The following ARHGAP15 variants were observed in gnomAD, a reference collection of about 807,000 sequenced individuals.
ARHGAP15 encodes the protein rho GTPase-activating protein 15.
ARHGAP15 carries 51 observed loss-of-function variants against 63.7 expected under a neutral mutation model. The observed-to-expected ratio is 0.80, with a 90% CI of 0.64 to 1.01. ARHGAP15 has a LOEUF of 1.01. ARHGAP15 is among the 50% of genes least tolerant of loss of function. The pLI is 0.00. For synonymous variants in ARHGAP15, 191 were observed against 193.8 expected (o/e 0.99, Z 0.12); for missense variants, 560 against 564.6 (o/e 0.99, Z 0.08).
intron 5 of ARHGAP15, among the ~76,000 whole-genome samples, chr2:143,239,500 A>G (rs112786740): frequency 1.9e-3 from 292 of 152,260 alleles, no homozygotes; most frequent in African/African-American, 6.8e-3. Flanking sequence ...CTCTGCTTCT[A>G]TGAGTTTGAC....
chr2:143,455,892 G>A (rs1690627598), intron 8 of ARHGAP15, among the ~76,000 whole-genome samples: 1 of 151,612 alleles, frequency 6.6e-6, no homozygotes, highest in African/African-American at 2.4e-5. Context: ...CAAATGGTCT[G>A]GAGGCTGACA....
At chr2:143,201,982 A>C (rs1692137222) in intron 2 of ARHGAP15, 152 bp from the exon 3 acceptor site, 2 of 670,512 alleles carry the variant, frequency 3.0e-6, no homozygotes, top group Non-Finnish European at 5.3e-6. Flanking sequence ...TATTTTATTT[A>C]AATTAGTCAA....
intron 10 of ARHGAP15, among the ~76,000 whole-genome samples, 159 bp from the exon 11 acceptor site, chr2:143,556,249 T>C (rs1241301735): frequency 6.6e-6 from 1 of 152,136 alleles, no homozygotes; most frequent in Non-Finnish European, 1.5e-5. Context: ...CCATGATTAC[T>C]TTGAGATTAA....
At chr2:143,609,395 A>G (rs991578318) in intron 11 of ARHGAP15, among the ~76,000 whole-genome samples, 1 of 152,186 alleles carries the variant, frequency 6.6e-6, no homozygotes, top group Non-Finnish European at 1.5e-5. Context: ...AGGAATTTCC[A>G]TGCTTTTGTG....
chr2:143,732,983 T>G (rs922752034), intron 13 of ARHGAP15, among the ~76,000 whole-genome samples: 3 of 150,474 alleles, frequency 2.0e-5, no homozygotes, highest in Non-Finnish European at 4.4e-5. Flanking sequence ...CACAATTATG[T>G]TTTCTAATAG....
At chr2:143,336,261 T>C (rs1467085899) in intron 6 of ARHGAP15, among the ~76,000 whole-genome samples, 1 of 152,116 alleles carries the variant, frequency 6.6e-6, no homozygotes, top group African/African-American at 2.4e-5. Flanking sequence ...TGGATGTTTT[T>C]CCCTGGGCAA....
At chr2:143,411,838 A>G (rs1688458571) in intron 6 of ARHGAP15, among the ~76,000 whole-genome samples, 1 of 152,208 alleles carries the variant, frequency 6.6e-6, no homozygotes, top group Non-Finnish European at 1.5e-5. Flanking sequence ...GTGAGAAAGT[A>G]TATACTCTCT....
intron 6 of ARHGAP15, among the ~76,000 whole-genome samples, chr2:143,399,234 T>C (rs1353205198): frequency 6.6e-6 from 1 of 152,024 alleles, no homozygotes; most frequent in Non-Finnish European, 1.5e-5. Flanking sequence ...GGTTTGCAGC[T>C]GTCGTAATTA....
intron 11 of ARHGAP15, among the ~76,000 whole-genome samples, chr2:143,602,045 G>C (rs770889857): frequency 6.6e-6 from 1 of 152,066 alleles, no homozygotes; most frequent in South Asian, 2.1e-4. Flanking sequence ...GTCAGCAAAA[G>C]TATGTTATTA....
chr2:143,525,596 C>CCAGTTTAGTG (rs1401324193), intron 10 of ARHGAP15, among the ~76,000 whole-genome samples: 2 of 151,898 alleles, frequency 1.3e-5, no homozygotes, highest in African/African-American at 4.8e-5. Context: ...AAAATTAAGA[C>CCAGTTTAGTG]CAGTTTAGTG....
intron 6 of ARHGAP15, among the ~76,000 whole-genome samples, chr2:143,323,912 A>AC (rs1684136445): frequency 1.3e-5 from 2 of 150,610 alleles, no homozygotes; most frequent in Non-Finnish European, 3.0e-5. Flanking sequence ...AAAAAAAAAA[A>AC]AAAAAAAAAA....
chr2:143,397,346 GTA>G (rs1259268598), intron 6 of ARHGAP15, among the ~76,000 whole-genome samples: 4,023 of 129,276 alleles, frequency 0.031, 75 homozygotes, highest in African/African-American at 0.052. Flanking sequence ...GTGTGTGTGT[GTA>G]TATATATATC....
intron 11 of ARHGAP15, chr2:143,607,997 C>T (rs1425613450): frequency 1.3e-5 from 2 of 152,140 alleles, no homozygotes; most frequent in Non-Finnish European, 2.9e-5. Flanking sequence ...TTGTTTTCTC[C>T]TCTGTGGATA....
At chr2:143,548,109 T>A (rs949286602) in intron 10 of ARHGAP15, among the ~76,000 whole-genome samples, 3 of 152,024 alleles carry the variant, frequency 2.0e-5, no homozygotes, top group Admixed American at 2.0e-4. Context: ...TAAGACGAGG[T>A]TTGTTAAGAG....
chr2:143,413,368 C>A (rs1299270249), intron 6 of ARHGAP15, among the ~76,000 whole-genome samples: 2 of 152,328 alleles, frequency 1.3e-5, no homozygotes, highest in East Asian at 3.9e-4. Flanking sequence ...AGGATCCCAA[C>A]TGAATGCCTC....
intron 6 of ARHGAP15, among the ~76,000 whole-genome samples, chr2:143,321,399 T>C (rs916149533): frequency 2.0e-5 from 3 of 152,178 alleles, no homozygotes; most frequent in Non-Finnish European, 4.4e-5. Flanking sequence ...TTATAAACAG[T>C]TTTGCTCTCA....
In ARHGAP15 at chr2:143,413,966, T is replaced by TGTGTGTGTGCGCGCGCGC; in HGVS notation, c.475-21634_475-21633insTGTGTGTGCGCGCGCGCG. On this transcript the variant is annotated intron_variant, in intron 6 of 13. Coordinates refer to ENST00000295095, the MANE Select transcript of ARHGAP15 (RefSeq NM_018460.4). Reference sequence around the variant, plus strand: ...GTGTGTGTGTGTGTGTGTGTGTGTGTGCGCGCTCTCTGGCAGAAAGTTAAT... The same window carrying TGTGTGTGTGCGCGCGCGC: ...GTGTGTGTGTGTGTGTGTGTGTGTGTGTGTGTGTGCGCGCGCGCGCGCGCTCTCTGGCAGAAAGTTAAT... 5.8e-3 allele frequency among the ~76,000 whole-genome samples: 689 copies of TGTGTGTGTGCGCGCGCGC among 117,878 alleles called. 3 individuals carry two copies. The highest frequency in any genetic ancestry group is 6.8e-3 in the African/African-American group (192 of 28,236). 77.3% of individuals were successfully genotyped at this position (117,878 alleles called of 152,430 possible). A position where few individuals can be genotyped will look rare whatever the true frequency, so the allele number is the denominator to read the frequency against.
intron 2 of ARHGAP15, among the ~76,000 whole-genome samples, chr2:143,201,742 G>A (rs1433975820): frequency 6.6e-6 from 1 of 152,130 alleles, no homozygotes; most frequent in Non-Finnish European, 1.5e-5. Context: ...TTTTCCAAGA[G>A]TGAAGGTTCT....
intron 13 of ARHGAP15, among the ~76,000 whole-genome samples, chr2:143,705,562 C>T (rs896223410): frequency 6.6e-6 from 1 of 152,202 alleles, no homozygotes; most frequent in Non-Finnish European, 1.5e-5. Context: ...GATCCAGACA[C>T]ACCATGAAAG....
Sources: allele counts gnomAD v4.1 joint callset (sites outside exome capture counted in the v4.1 genomes callset), GRCh38; gene constraint gnomAD v4.1.1; transcripts MANE v1.5; gene names NCBI Gene and HGNC (gene_info 2026-07-23, HGNC 2026-07-21).